KCND2: variants seen among roughly 807,000 people sequenced by gnomAD.
The protein encoded by KCND2 is A-type voltage-gated potassium channel KCND2.
Under a neutral mutation model 54.4 loss-of-function variants are expected in KCND2, and 16 were observed. That is an observed-to-expected ratio of 0.29 (90% CI 0.20 to 0.45). KCND2 has a LOEUF of 0.45. KCND2 is among the 20% of genes least tolerant of loss of function. KCND2 has a pLI of 1.00. For missense variants in KCND2, 486 were observed against 824.2 expected (o/e 0.59, Z 5.02); for synonymous variants, 317 against 310.7 (o/e 1.02, Z -0.21).
chr7:120,732,450 A>G (rs1792819850), intron 1 of KCND2, among the ~76,000 whole-genome samples: 1 of 152,206 alleles, frequency 6.6e-6, no homozygotes, highest in Non-Finnish European at 1.5e-5. Context: ...TTTTTAAATG[A>G]TGACATCTGG....
intron 1 of KCND2, among the ~76,000 whole-genome samples, chr7:120,540,367 A>G (rs549361572): frequency 1.8e-4 from 28 of 152,330 alleles, no homozygotes; most frequent in Non-Finnish European, 3.1e-4. Flanking sequence ...TGATATATCT[A>G]TAAATTTACA....
intron 1 of KCND2, among the ~76,000 whole-genome samples, chr7:120,495,764 C>T (rs1373592269): frequency 1.3e-5 from 2 of 152,120 alleles, no homozygotes; most frequent in African/African-American, 4.8e-5. Context: ...CACCCATGCC[C>T]TGCCCCACCT....
At chr7:120,666,843 T>C (rs1791933185) in intron 1 of KCND2, among the ~76,000 whole-genome samples, 1 of 151,802 alleles carries the variant, frequency 6.6e-6, no homozygotes, top group Non-Finnish European at 1.5e-5. Flanking sequence ...AAATGGAAAA[T>C]AAAAAATAAA....
At chr7:120,612,110 T>C (rs1198190443) in intron 1 of KCND2, among the ~76,000 whole-genome samples, 3 of 152,228 alleles carry the variant, frequency 2.0e-5, no homozygotes, top group Non-Finnish European at 2.9e-5. Context: ...GATATGACTT[T>C]TGTGAATTGC....
At chr7:120,629,125 A>G (rs1024382780) in intron 1 of KCND2, among the ~76,000 whole-genome samples, 1 of 152,230 alleles carries the variant, frequency 6.6e-6, no homozygotes, top group Admixed American at 6.5e-5. Flanking sequence ...CTGTGGGATG[A>G]ATTTTTTCAA....
intron 1 of KCND2, among the ~76,000 whole-genome samples, chr7:120,513,759 G>A (rs1321903386): frequency 2.0e-5 from 3 of 151,954 alleles, no homozygotes; most frequent in Non-Finnish European, 4.4e-5. Flanking sequence ...AAGTATAACA[G>A]AATGTGTCAT....
chr7:120,629,205 G>C (rs973976094), intron 1 of KCND2, among the ~76,000 whole-genome samples: 1 of 152,098 alleles, frequency 6.6e-6, no homozygotes, highest in African/African-American at 2.4e-5. Context: ...TAGAAAGAAG[G>C]GGCCGGGCAC....
intron 1 of KCND2, among the ~76,000 whole-genome samples, chr7:120,501,047 C>T (rs1051645235): frequency 2.7e-5 from 4 of 150,762 alleles, no homozygotes; most frequent in Non-Finnish European, 3.0e-5. Flanking sequence ...AAATGTATAC[C>T]CTAAAGCTAT....
At chr7:120,419,569 G>A (rs539006564) in intron 1 of KCND2, among the ~76,000 whole-genome samples, 16 of 152,222 alleles carry the variant, frequency 1.1e-4, no homozygotes, top group African/African-American at 3.9e-4. Context: ...AACCACTAGA[G>A]CATTTTGATT....
chr7:120,374,858 T>G (rs1164079153), intron 1 of KCND2, among the ~76,000 whole-genome samples: 1 of 151,832 alleles, frequency 6.6e-6, no homozygotes, highest in Non-Finnish European at 1.5e-5. Context: ...TCTTTTAAGG[T>G]GTATATCTGA....
intron 1 of KCND2, among the ~76,000 whole-genome samples, chr7:120,347,244 A>G (rs1474013144): frequency 6.6e-6 from 1 of 152,124 alleles, no homozygotes; most frequent in Non-Finnish European, 1.5e-5. Context: ...AATAGTTGTC[A>G]TACCTATAAG....
At chr7:120,730,480 C>T (rs1302584523) in intron 1 of KCND2, among the ~76,000 whole-genome samples, 5 of 152,326 alleles carry the variant, frequency 3.3e-5, no homozygotes, top group Admixed American at 1.3e-4. Context: ...ATTCCTTTAG[C>T]TTTCACTGTT....
chr7:120,366,068 A>G (rs1229873656), intron 1 of KCND2, among the ~76,000 whole-genome samples: 2 of 152,158 alleles, frequency 1.3e-5, no homozygotes, highest in Non-Finnish European at 2.9e-5. Flanking sequence ...GTTAGTAAAC[A>G]GCATTGTGGT....
At chr7:120,510,301 T>C (rs1381692031) in intron 1 of KCND2, among the ~76,000 whole-genome samples, 5 of 152,142 alleles carry the variant, frequency 3.3e-5, no homozygotes, top group Non-Finnish European at 7.4e-5. Flanking sequence ...AGCTAAATTG[T>C]AGAGAAGAAG....
At chr7:120,311,403 T>G (rs959809897) in intron 1 of KCND2, among the ~76,000 whole-genome samples, 20 of 152,294 alleles carry the variant, frequency 1.3e-4, no homozygotes, top group African/African-American at 4.6e-4. Flanking sequence ...AGTAAGAATT[T>G]TAATTATAGA....
intron 2 of KCND2, among the ~76,000 whole-genome samples, chr7:120,733,525 A>G (rs1792832802): frequency 6.6e-6 from 1 of 152,158 alleles, no homozygotes; most frequent in Non-Finnish European, 1.5e-5. Context: ...AACAGCACTA[A>G]TGACAGTAGC....
At chr7:120,289,837 G>T (rs60963172) in intron 1 of KCND2, among the ~76,000 whole-genome samples, 2,160 of 152,126 alleles carry the variant, frequency 0.014, 54 homozygotes, top group African/African-American at 0.047. Context: ...TTTTAATTGG[G>T]TCTATGATTC....
rs117252411 is a variant in KCND2, at chr7:120,460,232, T to A, written c.1115+184485T>A. Among the ~76,000 whole-genome samples, 28 of 152,278 alleles carry A rather than the reference T, an allele frequency of 1.8e-4. No homozygotes were observed. In the East Asian group the frequency reaches 4.2e-3, roughly 23 times the overall value. On this transcript the variant is annotated intron_variant, in intron 1 of 5. Coordinates refer to ENST00000331113, the MANE Select transcript of KCND2 (RefSeq NM_012281.3). ...TGTGTACTATAGACCAGACACTCTTTAGGAGTTTTCAAAGCTGGAATGTAA... is the reference window on the plus strand; with the variant it reads ...TGTGTACTATAGACCAGACACTCTTAAGGAGTTTTCAAAGCTGGAATGTAA...
chr7:120,704,514 A>G (rs1792441871), intron 1 of KCND2, among the ~76,000 whole-genome samples: 1 of 152,178 alleles, frequency 6.6e-6, no homozygotes, highest in African/African-American at 2.4e-5. Flanking sequence ...GCTCCTAAGT[A>G]TTTATGTACC....
Sources: gnomAD v4.1 joint callset for allele counts (sites outside exome capture counted in the v4.1 genomes callset) on GRCh38, gnomAD v4.1.1 for gene constraint, MANE v1.5 for transcripts, NCBI Gene and HGNC (gene_info 2026-07-23, HGNC 2026-07-21) for gene names.